The following SPATA13 variants were observed in gnomAD, a reference collection of about 807,000 sequenced individuals.
The protein encoded by SPATA13 is spermatogenesis-associated protein 13.
A neutral mutation model predicts 104.0 loss-of-function variants in SPATA13; 50 were observed. The ratio of observed to expected loss-of-function variants is 0.48; its 90% CI spans 0.38 to 0.61. The LOEUF is 0.61. Among genes scored for constraint, SPATA13 ranks in the 20% least tolerant of loss-of-function variants. SPATA13 has a pLI of 0.00. For synonymous variants in SPATA13, 606 were observed against 667.5 expected, an observed-to-expected ratio of 0.91 and a Z score of 1.42; for missense variants, 1,524 against 1,690.6, an observed-to-expected ratio of 0.90 and a Z score of 1.73.
At chr13:24,103,228 T>G (rs1880313779) in intron 3 of SPATA13, among the ~76,000 whole-genome samples, 1 of 152,182 alleles carries the variant, frequency 6.6e-6, no homozygotes, top group African/African-American at 2.4e-5. Flanking sequence ...ATTCCACAGA[T>G]GCTAAACCAG....
At chr13:24,062,212 A>G (rs1196393160) in intron 3 of SPATA13, among the ~76,000 whole-genome samples, 3 of 152,230 alleles carry the variant, frequency 2.0e-5, no homozygotes, top group African/African-American at 4.8e-5. Context: ...TAGTGATGCT[A>G]TTCCGGGAAG....
chr13:24,025,360 CATGTGT>C (rs1163990099), intron 3 of SPATA13, among the ~76,000 whole-genome samples: 8 of 151,972 alleles, frequency 5.3e-5, no homozygotes, highest in Non-Finnish European at 2.9e-5. Context: ...AATAATAATA[CATGTGT>C]ATGTACATTC....
chr13:24,281,168 A>C (rs935255542), intron 4 of SPATA13, among the ~76,000 whole-genome samples: 12 of 152,192 alleles, frequency 7.9e-5, no homozygotes, highest in Non-Finnish European at 1.8e-4. Context: ...TAGGGCCCAG[A>C]AGGCAAGACC....
chr13:24,064,261 C>T (rs937822374), intron 3 of SPATA13, among the ~76,000 whole-genome samples: 5 of 152,194 alleles, frequency 3.3e-5, no homozygotes, highest in South Asian at 2.1e-4. Flanking sequence ...CTACAGTCTC[C>T]GTTTCGTCAA....
At chr13:24,274,269 T>G (rs193280224) in intron 4 of SPATA13, among the ~76,000 whole-genome samples, 1 of 152,334 alleles carries the variant, frequency 6.6e-6, no homozygotes, top group East Asian at 1.9e-4. Context: ...AAGCTTAACC[T>G]GAAGGTCCAG....
At chr13:24,289,471 G>A (rs767652672) in intron 8 of SPATA13, among the ~76,000 whole-genome samples, 1 of 152,184 alleles carries the variant, frequency 6.6e-6, no homozygotes, top group East Asian at 1.9e-4. Context: ...TATGCCATAA[G>A]AACTATGGAG....
At position 24,223,657 on chromosome 13, in the gene SPATA13, A is replaced by T. The variant is rs996934682; in HGVS notation, c.728A>T (p.Glu243Val). Residue 243 changes from glutamate to valine, a missense_variant, in exon 2 of 13, where the codon GAA (glutamate) becomes GTA (valine). Coordinates refer to ENST00000382108, the MANE Select transcript of SPATA13 (RefSeq NM_001166271.3). ...AVCEILVRDP[E>V]NNSMGYRRSK... Reference sequence around the variant, plus strand: ...TGTGAGATTCTCGTGAGGGACCCTGAAAACAACAGCATGGGCTACAGGAGG... The same window carrying T: ...TGTGAGATTCTCGTGAGGGACCCTGTAAACAACAGCATGGGCTACAGGAGG... 4 of 1,552,052 alleles carry T rather than the reference A, an allele frequency of 2.6e-6. No homozygotes were observed. Among genetic ancestry groups the T allele is most frequent in the Admixed American group, 2.0e-5 (1 of 50,998 alleles).
At chr13:24,108,127 G>T (rs575828453) in intron 3 of SPATA13, among the ~76,000 whole-genome samples, 26 of 152,272 alleles carry the variant, frequency 1.7e-4, no homozygotes, top group African/African-American at 6.0e-4. Flanking sequence ...CTGTGCCATC[G>T]CCCGGCTGCA....
At chr13:24,160,566 G>C, upstream of SPATA13, 1 of 257,492 alleles carries the variant, frequency 3.9e-6, no homozygotes, top group Non-Finnish European at 6.1e-6. Flanking sequence ...TTGATGGGTG[G>C]GGTCCCCGGC....
chr13:24,280,660 C>T (rs1875429925), intron 4 of SPATA13, among the ~76,000 whole-genome samples: 2 of 152,146 alleles, frequency 1.3e-5, no homozygotes, highest in African/African-American at 4.8e-5. Flanking sequence ...ATCAGGATAT[C>T]TCGGCCAGTA....
intron 4 of SPATA13, among the ~76,000 whole-genome samples, chr13:24,280,948 C>A (rs921752330): frequency 6.6e-6 from 1 of 152,130 alleles, no homozygotes; most frequent in African/African-American, 2.4e-5. Flanking sequence ...GTTGTTCAGG[C>A]TCCCGTGTTT....
intron 3 of SPATA13, among the ~76,000 whole-genome samples, chr13:24,096,044 T>A (rs1360182537): frequency 1.3e-5 from 2 of 152,136 alleles, no homozygotes; most frequent in Admixed American, 6.6e-5. Flanking sequence ...CCTGGTGGCG[T>A]CCTTTATCTC....
chr13:24,230,352 A>G (rs1872190169), intron 2 of SPATA13, among the ~76,000 whole-genome samples: 1 of 152,184 alleles, frequency 6.6e-6, no homozygotes, highest in Non-Finnish European at 1.5e-5. Flanking sequence ...AGGGCTCCTC[A>G]TGAGAATGCA....
chr13:24,302,702 C>T lies in SPATA13; in HGVS notation c.3763C>T (p.Leu1255=). ...CGTCCCCCAGCAGCAGGTCTTTGGC[C>T]TGGCGGAACCCAAGAGGAAGTCCTC... ...TSVPQQQVFG[L]AEPKRKSSLF... is the part of the protein sequence containing the mutation. The change falls in exon 13 of 13, where the codon CTG becomes TTG. Residue 1255 remains leucine, a synonymous_variant. Coordinates refer to ENST00000382108, the MANE Select transcript of SPATA13 (RefSeq NM_001166271.3). 1 of 1,614,124 alleles carries T rather than the reference C, an allele frequency of 6.2e-7. No homozygotes were observed. Among genetic ancestry groups the T allele is most frequent in the Non-Finnish European group, 8.5e-7 (1 of 1,180,040 alleles).
Position 24,297,439 on chromosome 13 carries a change from G to A in SPATA13, c.3287G>A (p.Ser1096Asn), listed in dbSNP as rs758392859. 1.4e-5 allele frequency: 22 copies of A among 1,614,040 alleles called. No homozygotes were observed. The South Asian group carries it at 2.0e-4, about 14-fold the overall frequency. ...ACCAAAATCACTAAGCAAGGCAAAA[G>A]CCAGCAGCGGACGTTCTTCCTGTTT... ...ELTKITKQGK[S>N]QQRTFFLFDH... Residue 1096 changes from serine (S) to asparagine (N), a missense_variant, in exon 11 of 13, where the codon AGC becomes AAC. This residue lies in a region of SPATA13 where 435 missense variants were observed against 554.8 expected (regional missense o/e 0.78). Coordinates refer to ENST00000382108, the MANE Select transcript of SPATA13 (RefSeq NM_001166271.3).
At chr13:23,987,962 G>A (rs1034835785) in intron 2 of SPATA13, among the ~76,000 whole-genome samples, 3 of 93,082 alleles carry the variant, frequency 3.2e-5, no homozygotes, top group Non-Finnish European at 6.7e-5. Context: ...TTTTTTTTTT[G>A]AGACAGAGCC....
chr13:24,087,386 A>C (rs779282956), intron 3 of SPATA13, among the ~76,000 whole-genome samples: 2 of 152,216 alleles, frequency 1.3e-5, no homozygotes, highest in Non-Finnish European at 2.9e-5. Context: ...GATTAGACAC[A>C]AGAGAAGAAT....
chr13:24,300,689 A>T (rs906801227), intron 12 of SPATA13: 1 of 555,386 alleles, frequency 1.8e-6, no homozygotes, highest in Non-Finnish European at 3.2e-6. Context: ...GAATGTGGGC[A>T]TAGGAAACCT....
chr13:24,120,348 A>G (rs1325664), intron 3 of SPATA13, among the ~76,000 whole-genome samples: 23,408 of 152,264 alleles, frequency 0.15, 2,658 homozygotes, highest in East Asian at 0.39. Flanking sequence ...CTGGGTCACT[A>G]ACTTTGACAC....
Sources: gnomAD v4.1 joint callset for allele counts (sites outside exome capture counted in the v4.1 genomes callset) on GRCh38, gnomAD v4.1.1 for gene constraint, gnomAD v4.1.1 regional missense constraint, MANE v1.5 for transcripts, NCBI Gene and HGNC (gene_info 2026-07-23, HGNC 2026-07-21) for gene names.